The following NUDCD1 variants were observed in gnomAD, a reference collection of about 807,000 sequenced individuals.
NUDCD1 encodes nudC domain-containing protein 1.
Under a neutral mutation model 67.8 loss-of-function variants are expected in NUDCD1, and 60 were observed. That is an observed-to-expected ratio of 0.88 (90% confidence interval 0.72 to 1.10). NUDCD1 has a LOEUF of 1.10. Among genes scored for constraint, NUDCD1 ranks in the 50% least tolerant of loss-of-function variants. The pLI is 0.00. For missense variants in NUDCD1, 643 were observed against 695.0 expected (o/e 0.93, Z 0.84); for synonymous variants, 244 against 230.8 (o/e 1.06, Z -0.52).
chr8:109,306,631 A>ACCCCCCCCC (rs35720923), intron 2 of NUDCD1, among the ~76,000 whole-genome samples: 1 of 145,234 alleles, frequency 6.9e-6, no homozygotes, highest in African/African-American at 2.5e-5. Flanking sequence ...ATTATGTTGA[A>ACCCCCCCCC]CCCCCCCCAC....
Position 109,243,211 on chromosome 8 carries a change from A to C in NUDCD1, c.1550T>G (p.Val517Gly). The C allele has an allele frequency of 6.2e-7, 1 of 1,613,660 alleles. No homozygotes were observed. Residue 517 changes from valine to glycine, a missense_variant, in exon 10 of 10, where the codon GTA becomes GGA. By Grantham distance (109) the Val-to-Gly change is moderately radical. Coordinates refer to ENST00000239690, the MANE Select transcript of NUDCD1 (RefSeq NM_032869.4). ...GGGAGCAGGCTGACGATAGATGAAT[A>C]CTCGACGAAGGCACTCACAAAGGGC... ...YAALCECLRR[V>G]FIYRQPAPMS...
intron 1 of NUDCD1, among the ~76,000 whole-genome samples, chr8:109,330,900 G>T (rs1337389984): frequency 6.6e-6 from 1 of 152,162 alleles, no homozygotes; most frequent in African/African-American, 2.4e-5. Context: ...AATGGGGTAG[G>T]GGGAGGGAGA....
chr8:109,263,525 C>A (rs1813919563), intron 8 of NUDCD1, among the ~76,000 whole-genome samples: 2 of 152,174 alleles, frequency 1.3e-5, no homozygotes, highest in African/African-American at 4.8e-5. Flanking sequence ...CTGTCTCCTA[C>A]CAGAATCCAT....
At chr8:109,324,241 C>T (rs935279659) in intron 1 of NUDCD1, among the ~76,000 whole-genome samples, 1 of 150,778 alleles carries the variant, frequency 6.6e-6, no homozygotes, top group Non-Finnish European at 1.5e-5. Context: ...GGGCAAAGAT[C>T]TTAATAGACA....
intron 8 of NUDCD1, among the ~76,000 whole-genome samples, chr8:109,265,098 A>T (rs1290341861): frequency 6.6e-6 from 1 of 152,076 alleles, no homozygotes; most frequent in African/African-American, 2.4e-5. Context: ...AGTGAAACAT[A>T]ATTGCAAGGA....
chr8:109,330,346 A>C (rs1421730293), intron 1 of NUDCD1, among the ~76,000 whole-genome samples: 1 of 152,240 alleles, frequency 6.6e-6, no homozygotes, highest in Non-Finnish European at 1.5e-5. Context: ...CATCATCTTT[A>C]CATCTTAAAT....
intron 7 of NUDCD1, among the ~76,000 whole-genome samples, chr8:109,272,301 AGAT>A (rs1400357704): frequency 2.0e-5 from 3 of 152,208 alleles, no homozygotes; most frequent in African/African-American, 7.2e-5. Context: ...CTTAAATTAT[AGAT>A]GATACAGTTT....
rs1814753506 is a variant in NUDCD1, at chr8:109,293,337, G to A, written c.640+7C>T. 1 of 1,509,338 alleles carries A rather than the reference G, an allele frequency of 6.6e-7. No homozygotes were observed. The highest frequency in any genetic ancestry group is 2.2e-5 in the Admixed American group (1 of 46,484). 93.5% of individuals were successfully genotyped at this position (1,509,338 alleles called of 1,614,324 possible). ...CCAGTAGAGACAGATTCAGACTTTT[G>A]TTTTACCTTGATTTTTCTTACTGAT... On this transcript the variant is annotated splice_region_variant and intron_variant, in intron 4 of 9. Coordinates refer to ENST00000239690, the MANE Select transcript of NUDCD1 (RefSeq NM_032869.4).
intron 2 of NUDCD1, among the ~76,000 whole-genome samples, chr8:109,314,582 T>C (rs1044745832): frequency 1.3e-5 from 2 of 152,120 alleles, no homozygotes; most frequent in Non-Finnish European, 2.9e-5. Flanking sequence ...CTGAAGATTT[T>C]CTAAATAAAT....
chr8:109,313,806 C>G (rs1412621353), intron 2 of NUDCD1: 21 of 991,876 alleles, frequency 2.1e-5, no homozygotes. Flanking sequence ...CCTGGTTATA[C>G]ATGACGGAGG....
At chr8:109,298,068 TTTCC>T (rs1422301238) in intron 2 of NUDCD1, among the ~76,000 whole-genome samples, 1 of 152,168 alleles carries the variant, frequency 6.6e-6, no homozygotes, top group East Asian at 1.9e-4. Flanking sequence ...AAACAGCACC[TTTCC>T]TTCCTTTCAT....
intron 2 of NUDCD1, among the ~76,000 whole-genome samples, chr8:109,304,771 T>TG (rs1815065504): frequency 6.6e-6 from 1 of 152,100 alleles, no homozygotes; most frequent in Non-Finnish European, 1.5e-5. Context: ...TCGCTCAGGG[T>TG]AACGCTTATG....
intron 8 of NUDCD1, among the ~76,000 whole-genome samples, chr8:109,270,294 A>C (rs1418503193): frequency 6.6e-6 from 1 of 152,088 alleles, no homozygotes; most frequent in Admixed American, 6.5e-5. Context: ...AAAACTTCAC[A>C]AAAGAAATAG....
chr8:109,280,155 T>C (rs569893270), intron 6 of NUDCD1, among the ~76,000 whole-genome samples: 33 of 152,078 alleles, frequency 2.2e-4, no homozygotes, highest in African/African-American at 7.7e-4. Context: ...AGAGGATTAA[T>C]TGTCTAAAAT....
intron 2 of NUDCD1, among the ~76,000 whole-genome samples, chr8:109,317,556 TC>T (rs1815429473): frequency 6.7e-6 from 1 of 150,010 alleles, no homozygotes; most frequent in African/African-American, 2.5e-5. Context: ...ATCCACAGGA[TC>T]CATTGTTCTG....
chr8:109,331,379 G>A (rs951415711), intron 1 of NUDCD1, among the ~76,000 whole-genome samples: 4 of 152,050 alleles, frequency 2.6e-5, no homozygotes, highest in Admixed American at 6.6e-5. Flanking sequence ...AGCTGGGCAT[G>A]GTGGCGGGCG....
chr8:109,259,463 T>C (rs2129909480), intron 8 of NUDCD1, among the ~76,000 whole-genome samples: 1 of 152,268 alleles, frequency 6.6e-6, no homozygotes, highest in African/African-American at 2.4e-5. Context: ...TCATTATGGA[T>C]AAGAAGATGG....
At chr8:109,331,571 A>G (rs1315753892) in intron 1 of NUDCD1, among the ~76,000 whole-genome samples, 1 of 151,836 alleles carries the variant, frequency 6.6e-6, no homozygotes, top group African/African-American at 2.4e-5. Context: ...CTGCAGCTGT[A>G]CATCCCAAAC....
intron 2 of NUDCD1, among the ~76,000 whole-genome samples, chr8:109,321,844 C>A (rs1309081453): frequency 6.6e-6 from 1 of 151,892 alleles, no homozygotes; most frequent in Non-Finnish European, 1.5e-5. Flanking sequence ...AAGAAGATTT[C>A]AAGACAAAAA....
Sources: gnomAD v4.1 joint callset for allele counts (sites outside exome capture counted in the v4.1 genomes callset) on GRCh38, gnomAD v4.1.1 for gene constraint, MANE v1.5 for transcripts, NCBI Gene and HGNC (gene_info 2026-07-23, HGNC 2026-07-21) for gene names.